Variants in LRIF1 observed in about 807,000 individuals in gnomAD.
LRIF1 encodes ligand dependent nuclear receptor interacting factor 1, also known as ligand-dependent nuclear receptor-interacting factor 1.
A neutral mutation model predicts 52.7 loss-of-function variants in LRIF1; 32 were observed. The observed-to-expected ratio is 0.61, with a 90% confidence interval of 0.46 to 0.82. LRIF1 has a LOEUF of 0.82. Ranked by LOEUF, LRIF1 falls within the 40% of genes least tolerant of loss-of-function variation. The pLI, the probability that LRIF1 is intolerant of heterozygous loss-of-function variation, is 0.00. For synonymous variants in LRIF1, 323 were observed against 317.4 expected (o/e 1.02, Z -0.19); for missense variants, 887 against 892.0 (o/e 0.99, Z 0.07).
chr1:110,914,215 C>A, the LRIF1 span, among the ~76,000 whole-genome samples: 1 of 152,042 alleles, frequency 6.6e-6, no homozygotes, highest in East Asian at 1.9e-4. Flanking sequence ...TATGCTCACT[C>A]CCTGGGTGAC....
At chr1:110,912,387 T>G in the LRIF1 span, among the ~76,000 whole-genome samples, 1 of 152,122 alleles carries the variant, frequency 6.6e-6, no homozygotes, top group Non-Finnish European at 1.5e-5. Flanking sequence ...ACTTTTTGTA[T>G]TTTTAGTAGA....
At chr1:110,920,435 A>G in the LRIF1 span, among the ~76,000 whole-genome samples, 11 of 152,256 alleles carry the variant, frequency 7.2e-5, no homozygotes, top group Admixed American at 1.3e-4. Flanking sequence ...GCCAATGTGA[A>G]GGCTACCTAA....
chr1:110,895,388 A>T, the LRIF1 span, among the ~76,000 whole-genome samples: 1 of 152,214 alleles, frequency 6.6e-6, no homozygotes, highest in African/African-American at 2.4e-5. Flanking sequence ...AACACAAGAA[A>T]TTGCCATTGA....
chr1:110,924,570 G>A, the LRIF1 span, among the ~76,000 whole-genome samples: 1 of 152,170 alleles, frequency 6.6e-6, no homozygotes, highest in Non-Finnish European at 1.5e-5. Context: ...ACTGTCGTGA[G>A]AACTCACTAT....
the LRIF1 span, chr1:110,899,231 T>G: frequency 6.7e-7 from 1 of 1,490,372 alleles, no homozygotes; most frequent in East Asian, 2.3e-5. Flanking sequence ...ACTTGTTTCA[T>G]CTCCGGAAAT....
intron 2 of LRIF1, among the ~76,000 whole-genome samples, chr1:110,950,841 C>T (rs935538063): frequency 1.2e-4 from 18 of 151,898 alleles, no homozygotes; most frequent in South Asian, 2.1e-4. Context: ...ACCACCACCA[C>T]AAAAAAACCC....
chr1:110,950,062 T>G lies in LRIF1; in HGVS notation c.1658A>C (p.Asp553Ala). ...KGAQGRNDKK[D>A]SQGRSNKALH... ...TGCCTTATTACTTCTTCCTTGAGAA[T>G]CTTTCTTGTCATTTCTTCCTTGGGC... The change falls in exon 3 of 4, where the codon GAT becomes GCT. Residue 553 changes from aspartate to alanine, a missense_variant. Physicochemically the swap from Asp to Ala is moderately radical, Grantham distance 126. Coordinates refer to ENST00000369763, the MANE Select transcript of LRIF1 (RefSeq NM_018372.4). The G allele has an allele frequency of 6.2e-7, 1 of 1,614,050 alleles. No individual in the cohort carries two copies. Among genetic ancestry groups the G allele is most frequent in the Non-Finnish European group, 8.5e-7 (1 of 1,179,994 alleles).
chr1:110,963,309 T>G, intron 1 of LRIF1: 1 of 201,134 alleles, frequency 5.0e-6, no homozygotes, highest in Admixed American at 5.5e-5. Context: ...TCCAGAAGGT[T>G]TGAGTCACAT....
the LRIF1 span, among the ~76,000 whole-genome samples, chr1:110,894,645 T>A: frequency 6.6e-6 from 1 of 152,198 alleles, no homozygotes; most frequent in Non-Finnish European, 1.5e-5. Context: ...TCTACTTGCT[T>A]TCCTCTGTGT....
Position 110,948,390 on chromosome 1 carries a change from C to T in LRIF1, c.1879G>A (p.Asp627Asn). Residue 627 changes from aspartate to asparagine, a missense_variant, in exon 4 of 4, where the codon GAT becomes AAT. By Grantham distance (23) the Asp-to-Asn change is conservative. Transcript: ENST00000369763. ...KEGERKQQNF[D>N]KKRKAKTNKK... ...TTAGTTTTTGCTTTTCTTTTCTTAT[C>T]AAAATTCTGCTGCAATATTGAATAA... The T allele has an allele frequency of 6.2e-7, 1 of 1,608,686 alleles. No homozygotes were observed. The highest frequency in any genetic ancestry group is 2.2e-5 in the East Asian group (1 of 44,798).
chr1:110,948,977 C>G (rs1253393470), intron 3 of LRIF1, among the ~76,000 whole-genome samples: 1 of 151,912 alleles, frequency 6.6e-6, no homozygotes, highest in East Asian at 1.9e-4. Context: ...AGTAGGATGA[C>G]TAGTTAAAAA....
chr1:110,896,861 C>A, the LRIF1 span: 2 of 734,906 alleles, frequency 2.7e-6, no homozygotes, highest in Non-Finnish European at 4.5e-6. Flanking sequence ...AAAGAGAGGC[C>A]AGGGCAACAA....
At chr1:110,926,588 T>A in the LRIF1 span, among the ~76,000 whole-genome samples, 1 of 152,008 alleles carries the variant, frequency 6.6e-6, no homozygotes, top group Admixed American at 6.6e-5. Flanking sequence ...AAAGAAAATA[T>A]TAGAGTTTAA....
chr1:110,933,162 C>T, the LRIF1 span, among the ~76,000 whole-genome samples: 3 of 152,230 alleles, frequency 2.0e-5, no homozygotes, highest in South Asian at 6.2e-4. Context: ...ACAAGATGCT[C>T]TAGGCTCATC....
the LRIF1 span, chr1:110,899,044 T>C: frequency 9.4e-7 from 1 of 1,059,346 alleles, no homozygotes; most frequent in Non-Finnish European, 1.4e-6. Flanking sequence ...ACATTCTTTT[T>C]CTCAGAGGCC....
At chr1:110,892,214 G>A in the LRIF1 span, 1 of 748,878 alleles carries the variant, frequency 1.3e-6, no homozygotes, top group South Asian at 1.5e-5. Flanking sequence ...GTTTGGTAAA[G>A]AAATTGTTCA....
At position 110,957,395 on chromosome 1, in the gene LRIF1, G is replaced by A. The variant is rs145956800; in HGVS notation, c.69-4580C>T. ...GGCTGAGGTAGGACAATGGAGTGAG[G>A]AGGCGGCGGAGCTTGCAGTGAGCTG... is the stretch of plus-strand genomic sequence containing the variant. On this transcript the variant is annotated intron_variant, in intron 1 of 3. Transcript: ENST00000369763. Among the ~76,000 whole-genome samples the A allele has an allele frequency of 6.8e-3, 1,000 of 147,148 alleles. 10 individuals carry two copies. The highest frequency in any genetic ancestry group is 0.024 in the African/African-American group (944 of 39,942).
At chr1:110,897,390 C>T in the LRIF1 span, among the ~76,000 whole-genome samples, 41 of 152,354 alleles carry the variant, frequency 2.7e-4, no homozygotes, top group Non-Finnish European at 5.9e-5. Context: ...TGACCAGCAA[C>T]TGCCCTGGCA....
chr1:110,921,591 A>G, the LRIF1 span, among the ~76,000 whole-genome samples: 3 of 152,230 alleles, frequency 2.0e-5, no homozygotes, highest in Admixed American at 6.5e-5. Context: ...ACTTCAAGTC[A>G]CCAAAATAAT....
Sources: gnomAD v4.1 joint callset for allele counts (sites outside exome capture counted in the v4.1 genomes callset) on GRCh38, gnomAD v4.1.1 for gene constraint, MANE v1.5 for transcripts, NCBI Gene and HGNC (gene_info 2026-07-23, HGNC 2026-07-21) for gene names.